MYO7B: variants seen among roughly 807,000 people sequenced by gnomAD.
MYO7B encodes the protein unconventional myosin-VIIb.
MYO7B carries 212 observed loss-of-function variants against 259.7 expected under a neutral mutation model. The observed-to-expected ratio is 0.82, with a 90% CI of 0.73 to 0.91. The LOEUF is 0.91. Among genes scored for constraint, MYO7B ranks in the 40% least tolerant of loss-of-function variants. MYO7B has a pLI of 0.00. For missense variants in MYO7B, 2,732 were observed against 2,813.5 expected, an observed-to-expected ratio of 0.97 and a Z score of 0.66; for synonymous variants, 1,197 against 1,166.4, an observed-to-expected ratio of 1.03 and a Z score of -0.54.
chr2:127,619,655 G>A (rs1558840509), intron 26 of MYO7B, among the ~76,000 whole-genome samples: 1 of 152,174 alleles, frequency 6.6e-6, no homozygotes, highest in Non-Finnish European at 1.5e-5. Context: ...TGTGAATTGG[G>A]CTTTTCTTCT....
chr2:127,622,148 C>A (rs1320035344), intron 28 of MYO7B, 47 bp downstream of exon 28: 13 of 1,516,172 alleles, frequency 8.6e-6, no homozygotes, highest in Non-Finnish European at 1.2e-5. Flanking sequence ...GTGGTGCAGA[C>A]CCCCAGGGAC....
Position 127,627,565 on chromosome 2 carries a change from C to T in MYO7B, c.4460+255C>T, listed in dbSNP as rs1212413903. 4.9e-6 allele frequency: 3 copies of T among 611,802 alleles called. No homozygotes were observed. Among genetic ancestry groups the T allele is most frequent in the Non-Finnish European group, 9.1e-6 (3 of 329,436 alleles). The allele number at this position is 611,802 out of a possible 1,614,324, so 37.9% of individuals were successfully genotyped here. ...AGCTTCTCTTTGAAACCCAGGTCCA[C>T]CCGGAAGGGGCAGGGAAGCGTGCAG... On this transcript the variant is annotated intron_variant, in intron 33 of 47. Coordinates refer to ENST00000409816, the MANE Select transcript of MYO7B (RefSeq NM_001393586.1). This position sits in a 1 kb window ranked among gnomAD's most constrained non-coding sequence, Gnocchi z 5.6.
rs771475271 is a variant in MYO7B at position 127,634,304 on chromosome 2, G to A, written c.5625+15G>A. ...TTTCAGACAAGGTGGGCCGGGCTGG[G>A]GCTGGGCAGACGGTGGGCGGACGGG... is the stretch of plus-strand genomic sequence containing the variant. On this transcript the variant is annotated intron_variant, in intron 41 of 47. Transcript: ENST00000409816. 2.6e-6 allele frequency: 4 copies of A among 1,548,390 alleles called. No homozygotes were observed. In the East Asian group the frequency reaches 7.0e-5, roughly 27 times the overall value.
At chr2:127,596,943 G>A (rs987695250) in intron 19 of MYO7B, among the ~76,000 whole-genome samples, 1 of 152,218 alleles carries the variant, frequency 6.6e-6, no homozygotes, top group African/African-American at 2.4e-5. Context: ...AGAGGGTACC[G>A]CTAGAGTTGT....
intron 26 of MYO7B, among the ~76,000 whole-genome samples, chr2:127,619,226 G>A (rs1273684601): frequency 9.3e-6 from 1 of 107,194 alleles, no homozygotes; most frequent in African/African-American, 3.6e-5. Context: ...GTGGTGGGGG[G>A]TGGTTGGGTT....
At position 127,546,111 on chromosome 2, in the gene MYO7B, C is replaced by T. The variant is rs1395829236; in HGVS notation, c.-24+10280C>T. Among the ~76,000 whole-genome samples, 1 of 152,232 alleles carries T rather than the reference C, an allele frequency of 6.6e-6. No homozygotes were observed. Among genetic ancestry groups the T allele is most frequent in the African/African-American group, 2.4e-5 (1 of 41,470 alleles). On this transcript the variant is annotated intron_variant, in intron 1 of 47. Coordinates refer to ENST00000409816, the MANE Select transcript of MYO7B (RefSeq NM_001393586.1). This position sits in a 1 kb window ranked among gnomAD's most constrained non-coding sequence, Gnocchi z 4.2. Reference sequence around the variant, plus strand: ...CATAGGAGAACTTCCAAGTCTTACTCATCCCTCACCCAGCCCCAGATGCCC... The same window carrying T: ...CATAGGAGAACTTCCAAGTCTTACTTATCCCTCACCCAGCCCCAGATGCCC...
chr2:127,566,593 G>A (rs1331375987), intron 4 of MYO7B, 50 bp from the exon 5 acceptor site: 11 of 1,489,560 alleles, frequency 7.4e-6, no homozygotes, highest in South Asian at 4.0e-5. Context: ...GGCCAGGGCC[G>A]AGTACCTCTG....
chr2:127,618,050 T>C (rs993655488), intron 26 of MYO7B, among the ~76,000 whole-genome samples: 1 of 152,134 alleles, frequency 6.6e-6, no homozygotes, highest in Non-Finnish European at 1.5e-5. Flanking sequence ...GCTCTCTCTA[T>C]TTGTCTCTAT....
intron 14 of MYO7B, 31 bp from the exon 15 acceptor site, chr2:127,588,361 G>T (rs780487695): frequency 2.0e-5 from 32 of 1,608,766 alleles, no homozygotes; most frequent in Non-Finnish European, 2.7e-5. Context: ...TGGCTAAGCT[G>T]GGATGCTGGG....
rs767177288 is a variant in MYO7B at position 127,582,341 on chromosome 2, A to C, written c.1238A>C (p.Lys413Thr). 6.2e-7 allele frequency: 1 copy of C among 1,613,396 alleles called. No individual in the cohort carries two copies. The highest frequency in any genetic ancestry group is 1.7e-5 in the Admixed American group (1 of 59,946). The change falls in exon 12 of 48, where the codon AAG becomes ACG. Residue 413 changes from lysine (K) to threonine (T), a missense_variant. Around this residue, in one of 3 missense-constraint regions of MYO7B, gnomAD observed 1,906 missense variants for 2,026.4 expected, o/e 0.94. Transcript: ENST00000409816. ...CACCTCTTCCTGTGGATTGTCAAGA[A>C]GATCAATGCCGCCATCTTCACACCA... Reference protein sequence around the residue: ...YGHLFLWIVKKINAAIFTPPA... With the variant: ...YGHLFLWIVKTINAAIFTPPA...
At chr2:127,571,707 C>T (rs1486783275) in intron 6 of MYO7B, among the ~76,000 whole-genome samples, 8 of 151,838 alleles carry the variant, frequency 5.3e-5, no homozygotes, top group East Asian at 1.9e-4. Context: ...CTCAAACTCC[C>T]GACCTCAGGT....
chr2:127,605,127 C>T (rs757924112), intron 19 of MYO7B, among the ~76,000 whole-genome samples: 1 of 152,236 alleles, frequency 6.6e-6, no homozygotes, highest in Non-Finnish European at 1.5e-5. Context: ...CTGAGCTTGC[C>T]TGGGAGTGAC....
Position 127,590,272 on chromosome 2 carries a change from G to A in MYO7B, c.1992+43G>A, listed in dbSNP as rs117941003. ...GGGCACAGCAAAGGAGGGAGGAGGA[G>A]GAGGCTGATGGCCTCTAGGGTTGTG... On this transcript the variant is annotated intron_variant, in intron 16 of 47. Transcript: ENST00000409816. The surrounding 1 kb of genome is among the most constrained non-coding windows in gnomAD (Gnocchi z 4.6). 1,072 of 1,611,732 alleles carry A rather than the reference G, an allele frequency of 6.7e-4. 17 individuals carry two copies. The East Asian group carries it at 0.019, about 29-fold the overall frequency.
rs369376505 is a variant in MYO7B, at chr2:127,636,528, G to A, written c.6124-17G>A. On this transcript the variant is annotated splice_polypyrimidine_tract_variant and intron_variant, in intron 45 of 47. Coordinates refer to ENST00000409816, the MANE Select transcript of MYO7B (RefSeq NM_001393586.1). This position sits in a 1 kb window ranked among gnomAD's most constrained non-coding sequence, Gnocchi z 4.5. ...CCTCCCGGGCTGGACTATGACCGCCGTGTCCCTCCCTCCCAGCAAACCTCG... is the reference window on the plus strand; with the variant it reads ...CCTCCCGGGCTGGACTATGACCGCCATGTCCCTCCCTCCCAGCAAACCTCG... The A allele has an allele frequency of 9.3e-6, 15 of 1,604,280 alleles. No individual in the cohort carries two copies. Among genetic ancestry groups the A allele is most frequent in the Middle Eastern group, 1.6e-4 (1 of 6,078 alleles).
At position 127,620,056 on chromosome 2, in the gene MYO7B, G is replaced by A. The variant is rs1433359487; in HGVS notation, c.3399-284G>A. On this transcript the variant is annotated intron_variant, in intron 26 of 47. Transcript: ENST00000409816. Reference sequence around the variant, plus strand: ...AGCAGATGGGCTGTGCAAAGGGCGCGGCTGCTGAGGACAGGGCTGTGGCTG... The same window carrying A: ...AGCAGATGGGCTGTGCAAAGGGCGCAGCTGCTGAGGACAGGGCTGTGGCTG... The A allele has an allele frequency of 1.5e-5, 4 of 263,368 alleles. No individual in the cohort carries two copies. In the Admixed American group the frequency reaches 1.6e-4, roughly 10 times the overall value. The allele number at this position is 263,368 out of a possible 1,614,324, so 16.3% of individuals were successfully genotyped here.
chr2:127,618,589 T>C (rs2105065436), intron 26 of MYO7B, among the ~76,000 whole-genome samples: 1 of 152,360 alleles, frequency 6.6e-6, no homozygotes, highest in South Asian at 2.1e-4. Flanking sequence ...ATTCTGCTTT[T>C]ATGAGAACAG....
intron 1 of MYO7B, among the ~76,000 whole-genome samples, chr2:127,540,891 T>C (rs938273803): frequency 6.6e-6 from 1 of 152,230 alleles, no homozygotes; most frequent in Admixed American, 6.5e-5. Flanking sequence ...GTCTCTCTAA[T>C]GAAGAATAAT....
At chr2:127,575,201 A>C (rs1166845974) in intron 7 of MYO7B, among the ~76,000 whole-genome samples, 1 of 152,184 alleles carries the variant, frequency 6.6e-6, no homozygotes, top group Non-Finnish European at 1.5e-5. Flanking sequence ...CAACCATGAG[A>C]GGTAGGTCTC....
At position 127,580,957 on chromosome 2, in the gene MYO7B, C is replaced by G. The variant is rs561217921; in HGVS notation, c.1080+135C>G. On this transcript the variant is annotated intron_variant, in intron 10 of 47. Coordinates refer to ENST00000409816, the MANE Select transcript of MYO7B (RefSeq NM_001393586.1). Reference sequence around the variant, plus strand: ...TCCCAGGGCCTATGCTCAAACCCCTCCCTTCTGTATACTGCAGGTGCCTGA... The same window carrying G: ...TCCCAGGGCCTATGCTCAAACCCCTGCCTTCTGTATACTGCAGGTGCCTGA... 9.2e-5 allele frequency: 81 copies of G among 878,142 alleles called. 1 individual carries two copies. The South Asian group carries it at 1.2e-3, about 13-fold the overall frequency. The allele number at this position is 878,142 out of a possible 1,614,324, so 54.4% of individuals were successfully genotyped here.
Sources: gnomAD v4.1 joint callset for allele counts (sites outside exome capture counted in the v4.1 genomes callset) on GRCh38, gnomAD v4.1.1 for gene constraint, gnomAD v4.1.1 regional missense constraint, Gnocchi (gnomAD v3.1) non-coding constraint, MANE v1.5 for transcripts, NCBI Gene and HGNC (gene_info 2026-07-23, HGNC 2026-07-21) for gene names.